The following CEP192 variants were observed in gnomAD, a reference collection of about 807,000 sequenced individuals.
CEP192 encodes the protein centrosomal protein of 192 kDa.
A neutral mutation model predicts 271.8 loss-of-function variants in CEP192; 151 were observed. The ratio of observed to expected loss-of-function variants is 0.56; its 90% CI spans 0.49 to 0.64. CEP192 has a LOEUF of 0.64. CEP192 is among the 30% of genes least tolerant of loss of function. CEP192 has a pLI of 0.00. For synonymous variants in CEP192, 995 were observed against 1,076.5 expected (o/e 0.92, Z 1.48); for missense variants, 2,910 against 3,020.5 (o/e 0.96, Z 0.86).
chr18:13,030,657 C>T (rs749663698), intron 11 of CEP192, 49 bp downstream of exon 11: 17 of 1,441,762 alleles, frequency 1.2e-5, no homozygotes, highest in Middle Eastern at 3.8e-4. Context: ...TGTTTCTGAT[C>T]TTTCTAAGAT....
chr18:13,053,585 A>G (rs2036919658), intron 18 of CEP192, among the ~76,000 whole-genome samples: 1 of 152,206 alleles, frequency 6.6e-6, no homozygotes, highest in South Asian at 2.1e-4. Flanking sequence ...GGAGAAGTGT[A>G]TGAGGCTAGA....
Position 13,124,870 on chromosome 18 carries a change from A to C in CEP192, c.*100A>C, listed in dbSNP as rs1388989762. 4 of 939,832 alleles carry C rather than the reference A, an allele frequency of 4.3e-6. No homozygotes were observed. Among genetic ancestry groups the C allele is most frequent in the Non-Finnish European group, 6.2e-6 (4 of 643,090 alleles). 58.2% of individuals were successfully genotyped at this position (939,832 alleles called of 1,614,324 possible). On this transcript the variant is annotated 3_prime_UTR_variant, in exon 45 of 45. Transcript: ENST00000506447. ...TGCTTTTGTATATATATTTTGTATG[A>C]TGGATATCTATAATTGTAGATTTTG...
chr18:13,063,818 C>T (rs1359440774), intron 21 of CEP192, among the ~76,000 whole-genome samples: 1 of 146,672 alleles, frequency 6.8e-6, no homozygotes, highest in Non-Finnish European at 1.5e-5. Context: ...AGATTTTCCC[C>T]AATTTTTTTT....
At chr18:13,120,062 G>T (rs1172741630) in intron 44 of CEP192, among the ~76,000 whole-genome samples, 1 of 152,012 alleles carries the variant, frequency 6.6e-6, no homozygotes. Context: ...TGCTTAATTT[G>T]CCTTCACAGA....
chr18:13,052,867 A>G (rs966898562), intron 17 of CEP192, 52 bp from the exon 18 acceptor site: 4 of 1,396,788 alleles, frequency 2.9e-6, no homozygotes, highest in African/African-American at 2.9e-5. Context: ...TTGCTAATGT[A>G]GATAGTTGAA....
In CEP192 at chr18:13,038,521, T is replaced by A; in HGVS notation, c.1751T>A (p.Phe584Tyr). 6.4e-7 allele frequency: 1 copy of A among 1,551,670 alleles called. No homozygotes were observed. Among genetic ancestry groups the A allele is most frequent in the Non-Finnish European group, 8.7e-7 (1 of 1,146,974 alleles). The change falls in exon 13 of 45, where the codon TTC becomes TAC. Residue 584 changes from phenylalanine to tyrosine, a missense_variant. By Grantham distance (22) the Phe-to-Tyr change is conservative (BLOSUM62 3). Transcript: ENST00000506447. ...TATTTACGTCTGTCTTTAGGAGAGT[T>A]CTTTGCTCAAAGATCTGAAGCTCTT... The part of the protein sequence containing the change: ...ASYLRLSLGE[F>Y]FAQRSEALGC...
intron 3 of CEP192, among the ~76,000 whole-genome samples, chr18:13,005,423 A>G (rs1162831530): frequency 6.6e-6 from 1 of 152,180 alleles, no homozygotes; most frequent in Admixed American, 6.5e-5. Flanking sequence ...GCTGAAAATC[A>G]GTAAAGGGCA....
At chr18:13,095,385 A>C in intron 34 of CEP192, 118 bp from the exon 35 acceptor site, 1 of 784,336 alleles carries the variant, frequency 1.3e-6, no homozygotes, top group East Asian at 2.6e-5. Flanking sequence ...CTTTGTCTTA[A>C]TGTTTTTAGA....
intron 28 of CEP192, among the ~76,000 whole-genome samples, chr18:13,071,431 T>TA (rs2038009104): frequency 6.6e-6 from 1 of 152,192 alleles, no homozygotes; most frequent in African/African-American, 2.4e-5. Context: ...ACAATACAGT[T>TA]ACTGCTGAGG....
intron 24 of CEP192, among the ~76,000 whole-genome samples, 173 bp downstream of exon 24, chr18:13,068,595 T>C (rs1029480738): frequency 2.6e-5 from 4 of 152,252 alleles, no homozygotes; most frequent in Non-Finnish European, 4.4e-5. Flanking sequence ...CCTGTGTAAG[T>C]GTGGGTAACT....
rs1488117696 is a variant in CEP192, at chr18:13,082,531, G to T, written c.5617-4486G>T. ...TATGTGTGTCTCTGCACGTGAGATGGGTCTCCTGAATAGAGCACACTGATG... is the reference window on the plus strand; with the variant it reads ...TATGTGTGTCTCTGCACGTGAGATGTGTCTCCTGAATAGAGCACACTGATG... On this transcript the variant is annotated intron_variant, in intron 30 of 44. Coordinates refer to ENST00000506447, the MANE Select transcript of CEP192 (RefSeq NM_032142.4). 1.3e-4 allele frequency among the ~76,000 whole-genome samples: 19 copies of T among 149,258 alleles called. 1 individual carries two copies. The highest frequency in any genetic ancestry group is 1.2e-3 in the Admixed American group (18 of 14,958).
intron 9 of CEP192, among the ~76,000 whole-genome samples, chr18:13,026,871 A>G (rs904901884): frequency 6.6e-6 from 1 of 152,156 alleles, no homozygotes; most frequent in Admixed American, 6.5e-5. Context: ...CATCCCTGCC[A>G]TATCTGGTTC....
intron 30 of CEP192, among the ~76,000 whole-genome samples, chr18:13,078,421 G>A (rs887604814): frequency 2.0e-5 from 3 of 152,186 alleles, no homozygotes; most frequent in African/African-American, 7.2e-5. Flanking sequence ...ATAGCAGCAT[G>A]ATTTATAATC....
chr18:13,108,416 T>G (rs1034099680), intron 40 of CEP192, among the ~76,000 whole-genome samples: 15 of 151,926 alleles, frequency 9.9e-5, no homozygotes, highest in Non-Finnish European at 2.1e-4. Context: ...CTGACAAAAG[T>G]CTAATACCCA....
chr18:13,105,063 G>C lies in CEP192; in HGVS notation c.7031G>C (p.Ser2344Thr). The change falls in exon 40 of 45, where the codon AGC (serine) becomes ACC (threonine). Residue 2344 changes from serine to threonine, a missense_variant. Physicochemically the swap from Ser to Thr is moderately conservative, Grantham distance 58. Coordinates refer to ENST00000506447, the MANE Select transcript of CEP192 (RefSeq NM_032142.4). ...RCSPISGLLE[S>T]HGIQKVSITF... ...TCTCCTATTTCTGGTCTGCTGGAAAGCCATGGGATCCAAAAAGTAGGTTTT... is the reference window on the plus strand; with the variant it reads ...TCTCCTATTTCTGGTCTGCTGGAAACCCATGGGATCCAAAAAGTAGGTTTT... The C allele has an allele frequency of 6.2e-7, 1 of 1,613,480 alleles. No homozygotes were observed. The highest frequency in any genetic ancestry group is 8.5e-7 in the Non-Finnish European group (1 of 1,179,358).
Position 13,075,498 on chromosome 18 carries a change from G to A in CEP192, c.5616+2313G>A, listed in dbSNP as rs375935679. On this transcript the variant is annotated intron_variant, in intron 30 of 44. Coordinates refer to ENST00000506447, the MANE Select transcript of CEP192 (RefSeq NM_032142.4). Reference sequence around the variant, plus strand: ...GGAGAATCGCTTGAACCCGGGAGGCGGAGGTTGCAGTGAGCCGAGATTGCG... The same window carrying A: ...GGAGAATCGCTTGAACCCGGGAGGCAGAGGTTGCAGTGAGCCGAGATTGCG... Among the ~76,000 whole-genome samples the A allele has an allele frequency of 2.9e-4, 44 of 152,184 alleles. No homozygotes were observed. The East Asian group carries it at 4.3e-3, about 15-fold the overall frequency.
chr18:13,000,788 AC>A (rs1285683726), intron 2 of CEP192, among the ~76,000 whole-genome samples: 1 of 152,198 alleles, frequency 6.6e-6, no homozygotes, highest in East Asian at 1.9e-4. Flanking sequence ...AACCCTGTTT[AC>A]TAAAAATACA....
intron 44 of CEP192, among the ~76,000 whole-genome samples, chr18:13,122,284 A>G (rs960966955): frequency 6.6e-6 from 1 of 152,204 alleles, no homozygotes; most frequent in African/African-American, 2.4e-5. Context: ...TAGCTGGGCA[A>G]GGTGGCGCAT....
chr18:13,071,633 A>G (rs977009256), intron 28 of CEP192, among the ~76,000 whole-genome samples: 26 of 152,218 alleles, frequency 1.7e-4, no homozygotes, highest in Non-Finnish European at 3.7e-4. Context: ...CTTGGGTGTC[A>G]TACTTCCCGA....
Sources: gnomAD v4.1 joint callset for allele counts (sites outside exome capture counted in the v4.1 genomes callset) on GRCh38, gnomAD v4.1.1 for gene constraint, MANE v1.5 for transcripts, NCBI Gene and HGNC (gene_info 2026-07-23, HGNC 2026-07-21) for gene names.